Variants in SORCS1 observed in about 807,000 individuals in gnomAD.
SORCS1 encodes VPS10 domain-containing receptor SorCS1.
In SORCS1, 60 loss-of-function variants were observed where a neutral mutation model predicts 146.1. The observed-to-expected ratio is 0.41, with a 90% CI of 0.33 to 0.51. The LOEUF (loss-of-function observed/expected upper bound fraction) is 0.51, where lower values mean the gene tolerates loss of function less well. Among genes scored for constraint, SORCS1 ranks in the 20% least tolerant of loss-of-function variants. The pLI is 0.21. For missense variants in SORCS1, 1,352 were observed against 1,487.6 expected, an observed-to-expected ratio of 0.91 and a Z score of 1.50; for synonymous variants, 637 against 584.0, an observed-to-expected ratio of 1.09 and a Z score of -1.31.
chr10:107,144,475 G>A (rs1041333640), intron 1 of SORCS1, among the ~76,000 whole-genome samples: 1 of 152,220 alleles, frequency 6.6e-6, no homozygotes, highest in Non-Finnish European at 1.5e-5. Flanking sequence ...GACCACAGAT[G>A]ATGTGCCTGA....
chr10:107,042,881 A>G (rs1240101930), intron 1 of SORCS1, among the ~76,000 whole-genome samples: 3 of 152,168 alleles, frequency 2.0e-5, no homozygotes, highest in African/African-American at 7.2e-5. Flanking sequence ...ATGTTCTGGG[A>G]TTACAGGCAT....
chr10:107,092,868 C>G (rs1453339440), intron 1 of SORCS1, among the ~76,000 whole-genome samples: 2 of 100,788 alleles, frequency 2.0e-5, no homozygotes, highest in African/African-American at 4.0e-5. Flanking sequence ...GGTTCACGGG[C>G]TAAAAGAAGA....
At chr10:106,785,387 A>T (rs1022320619) in intron 3 of SORCS1, among the ~76,000 whole-genome samples, 5 of 152,176 alleles carry the variant, frequency 3.3e-5, no homozygotes, top group South Asian at 2.1e-4. Context: ...TGAAGTGGGC[A>T]TATAAGCTTT....
chr10:106,818,713 T>A (rs536187642), intron 3 of SORCS1, among the ~76,000 whole-genome samples: 11 of 152,096 alleles, frequency 7.2e-5, no homozygotes, highest in African/African-American at 2.2e-4. Context: ...GTTTTACGAG[T>A]CTAAATAGAC....
intron 1 of SORCS1, among the ~76,000 whole-genome samples, chr10:107,037,693 C>T (rs1958964072): frequency 6.6e-6 from 1 of 152,144 alleles, no homozygotes; most frequent in African/African-American, 2.4e-5. Context: ...AGGTAAACAC[C>T]AGAAAAGGAT....
At chr10:107,084,566 G>A (rs2134262688) in intron 1 of SORCS1, among the ~76,000 whole-genome samples, 1 of 151,802 alleles carries the variant, frequency 6.6e-6, no homozygotes, top group South Asian at 2.1e-4. Flanking sequence ...GAATTTTCTG[G>A]CGTAAAAAAA....
intron 2 of SORCS1, among the ~76,000 whole-genome samples, chr10:106,859,764 G>T (rs1949941828): frequency 6.6e-6 from 1 of 152,126 alleles, no homozygotes; most frequent in African/African-American, 2.4e-5. Flanking sequence ...TACTGTATGT[G>T]ATTTATTTGA....
chr10:106,711,902 T>C (rs1855019424), intron 6 of SORCS1, among the ~76,000 whole-genome samples: 1 of 152,290 alleles, frequency 6.6e-6, no homozygotes, highest in African/African-American at 2.4e-5. Context: ...GTGACTTCTG[T>C]TTTCCAAAAT....
chr10:106,622,289 GAAAAAAAAAAAAA>G (rs554464573), intron 19 of SORCS1, among the ~76,000 whole-genome samples: 1 of 39,040 alleles, frequency 2.6e-5, no homozygotes, highest in Non-Finnish European at 5.1e-5. Flanking sequence ...ATTCCATCTC[GAAAAAAAAAAAAA>G]AAAAAAAAAA....
intron 1 of SORCS1, among the ~76,000 whole-genome samples, chr10:107,015,652 C>A (rs1158030296): frequency 6.6e-6 from 1 of 152,174 alleles, no homozygotes; most frequent in Non-Finnish European, 1.5e-5. Flanking sequence ...CAACACATGG[C>A]CTCCTGGCTC....
chr10:107,146,900 T>G (rs1406252156), intron 1 of SORCS1, among the ~76,000 whole-genome samples: 3 of 152,278 alleles, frequency 2.0e-5, no homozygotes, highest in African/African-American at 7.2e-5. Flanking sequence ...TTCCTTGTAC[T>G]CATGTCTAGC....
rs181982798 is a variant in SORCS1 at position 106,865,375 on chromosome 10, T to C, written c.627-35702A>G. 1.4e-3 allele frequency among the ~76,000 whole-genome samples: 210 copies of C among 152,288 alleles called. 2 individuals are homozygous for C. The highest frequency in any genetic ancestry group is 3.4e-3 in the Middle Eastern group (1 of 294). ...CCCTCCAGGTACTGGAAAACCCAAG[T>C]TGACTAGGAACTGGAGCGGACCCCC... On this transcript the variant is annotated intron_variant, in intron 2 of 25. Coordinates refer to ENST00000263054, the MANE Select transcript of SORCS1 (RefSeq NM_052918.5).
At chr10:106,946,850 G>A (rs1221608866) in intron 2 of SORCS1, among the ~76,000 whole-genome samples, 3 of 152,156 alleles carry the variant, frequency 2.0e-5, no homozygotes, top group Admixed American at 2.0e-4. Context: ...TGACTATCTA[G>A]TACACTGCTT....
At chr10:106,597,819 T>C (rs1336915613) in intron 23 of SORCS1, among the ~76,000 whole-genome samples, 2 of 152,208 alleles carry the variant, frequency 1.3e-5, no homozygotes, top group African/African-American at 4.8e-5. Flanking sequence ...AAGATTAATA[T>C]ATATTCATTT....
Position 106,679,677 on chromosome 10 carries a change from T to A in SORCS1, c.1618A>T (p.Ile540Phe), listed in dbSNP as rs2135554633. Residue 540 changes from isoleucine (I) to phenylalanine (F), a missense_variant, in exon 11 of 26, where the codon ATC becomes TTC. Coordinates refer to ENST00000263054, the MANE Select transcript of SORCS1 (RefSeq NM_052918.5). ...GGAGCTGTGTCTTTGCTGGCAATGA[T>A]CCCTGATGTGTAGGGATTCTCAGAG... ...KVSENPYTSG[I>F]IASKDTAPSI... 1.2e-6 allele frequency: 2 copies of A among 1,612,830 alleles called. No individual in the cohort carries two copies. Among genetic ancestry groups the A allele is most frequent in the Non-Finnish European group, 1.7e-6 (2 of 1,179,346 alleles).
At chr10:107,105,011 T>C (rs1965206680) in intron 1 of SORCS1, among the ~76,000 whole-genome samples, 4 of 152,242 alleles carry the variant, frequency 2.6e-5, no homozygotes, top group Admixed American at 2.0e-4. Flanking sequence ...AAAGTCTAAT[T>C]TTATTTCTCA....
chr10:106,792,029 T>C (rs531776021), intron 3 of SORCS1, among the ~76,000 whole-genome samples: 1 of 152,348 alleles, frequency 6.6e-6, no homozygotes, highest in Admixed American at 6.5e-5. Context: ...TGTCTCTTTT[T>C]CTTATTGATT....
intron 2 of SORCS1, among the ~76,000 whole-genome samples, chr10:106,842,273 C>G (rs1294577987): frequency 6.6e-6 from 1 of 152,160 alleles, no homozygotes; most frequent in Non-Finnish European, 1.5e-5. Context: ...CTCACCTTGT[C>G]ACCCAGGTGG....
intron 2 of SORCS1, among the ~76,000 whole-genome samples, chr10:106,852,403 T>A (rs1490305866): frequency 1.3e-5 from 2 of 151,862 alleles, no homozygotes; most frequent in East Asian, 1.9e-4. Flanking sequence ...GCTGAGGCAG[T>A]CGCATCACAA....
Sources: allele counts gnomAD v4.1 joint callset (sites outside exome capture counted in the v4.1 genomes callset), GRCh38; gene constraint gnomAD v4.1.1; transcripts MANE v1.5; gene names NCBI Gene and HGNC (gene_info 2026-07-23, HGNC 2026-07-21).